FAF1: variants seen among roughly 807,000 people sequenced by gnomAD.
FAF1 encodes Fas associated factor 1.
A neutral mutation model predicts 92.5 loss-of-function variants in FAF1; 25 were observed. The observed-to-expected ratio is 0.27, with a 90% confidence interval of 0.20 to 0.38. The LOEUF (loss-of-function observed/expected upper bound fraction) is 0.38. FAF1 is among the 10% of genes least tolerant of loss of function. FAF1 has a pLI of 1.00. For synonymous variants in FAF1, 234 were observed against 273.2 expected, an observed-to-expected ratio of 0.86 and a Z score of 1.42; for missense variants, 636 against 793.3, an observed-to-expected ratio of 0.80 and a Z score of 2.38.
In FAF1 at chr1:50,583,648, C is replaced by A; in HGVS notation, c.1031+4G>T. 1 of 1,562,874 alleles carries A rather than the reference C, an allele frequency of 6.4e-7. No individual in the cohort carries two copies. Among genetic ancestry groups the A allele is most frequent in the Non-Finnish European group, 8.7e-7 (1 of 1,147,012 alleles). On this transcript the variant is annotated splice_donor_region_variant and intron_variant, in intron 11 of 18. Coordinates refer to ENST00000396153, the MANE Select transcript of FAF1 (RefSeq NM_007051.3). The surrounding 1 kb of genome is among the most constrained non-coding windows in gnomAD (Gnocchi z 4.2). ...AATTTATATAGTTAATGTCCTAACCCTACCTTGAAGAAAACTCTGCTGTAA... is the reference window on the plus strand; with the variant it reads ...AATTTATATAGTTAATGTCCTAACCATACCTTGAAGAAAACTCTGCTGTAA...
intron 5 of FAF1, among the ~76,000 whole-genome samples, chr1:50,742,141 T>C (rs1659410404): frequency 1.3e-5 from 2 of 150,042 alleles, no homozygotes; most frequent in African/African-American, 4.9e-5. Flanking sequence ...AGACCCTGTC[T>C]CTACAAAAAT....
chr1:50,914,042 ATC>A (rs1644904319), intron 1 of FAF1, among the ~76,000 whole-genome samples: 1 of 152,222 alleles, frequency 6.6e-6, no homozygotes, highest in Non-Finnish European at 1.5e-5. Context: ...TCTCCTGTAT[ATC>A]TGTTACTCTG....
intron 6 of FAF1, among the ~76,000 whole-genome samples, chr1:50,707,136 G>A (rs1322526888): frequency 1.3e-5 from 2 of 151,100 alleles, no homozygotes; most frequent in African/African-American, 4.9e-5. Context: ...CTGGGAGGTG[G>A]AGGTTGCAGT....
chr1:50,483,613 T>C (rs1372924106), intron 17 of FAF1, among the ~76,000 whole-genome samples: 1 of 152,110 alleles, frequency 6.6e-6, no homozygotes, highest in African/African-American at 2.4e-5. Context: ...ACAAATGATT[T>C]TTAAAGGATT....
intron 1 of FAF1, among the ~76,000 whole-genome samples, chr1:50,885,378 T>C (rs1644652550): frequency 6.6e-6 from 1 of 151,784 alleles, no homozygotes; most frequent in South Asian, 2.1e-4. Flanking sequence ...GCCCCAGTGT[T>C]AGATGCATAT....
At chr1:50,837,134 T>C (rs922896289) in intron 2 of FAF1, among the ~76,000 whole-genome samples, 1 of 151,960 alleles carries the variant, frequency 6.6e-6, no homozygotes, top group African/African-American at 2.4e-5. Flanking sequence ...ATTTTTTGTA[T>C]TTTTAGTAAA....
chr1:50,800,532 A>C (rs1395188187), intron 3 of FAF1, among the ~76,000 whole-genome samples: 3 of 152,250 alleles, frequency 2.0e-5, no homozygotes, highest in African/African-American at 7.2e-5. Flanking sequence ...AACTCTAGAA[A>C]TCTGCCACAT....
At chr1:50,823,557 GATC>G (rs1376123075) in intron 2 of FAF1, among the ~76,000 whole-genome samples, 3 of 151,802 alleles carry the variant, frequency 2.0e-5, no homozygotes, top group Admixed American at 2.0e-4. Flanking sequence ...CATCATTTTA[GATC>G]ATAACAGTGA....
intron 17 of FAF1, among the ~76,000 whole-genome samples, chr1:50,476,858 G>GA (rs538290900): frequency 6.6e-6 from 1 of 151,392 alleles, no homozygotes. Context: ...AAATAATTTA[G>GA]AAAAAAAAGA....
chr1:50,561,833 G>A (rs1003174198), intron 13 of FAF1, among the ~76,000 whole-genome samples: 2 of 145,244 alleles, frequency 1.4e-5, no homozygotes, highest in African/African-American at 2.6e-5. Context: ...TAGGACAGAC[G>A]GATGGACGGA....
chr1:50,469,408 T>C (rs996390004), intron 18 of FAF1: 26 of 152,222 alleles, frequency 1.7e-4, no homozygotes, highest in African/African-American at 6.0e-4. Flanking sequence ...ATGTATTTTG[T>C]ACCTTAGTGA....
At chr1:50,786,602 A>T (rs529208554) in intron 4 of FAF1, among the ~76,000 whole-genome samples, 8 of 152,336 alleles carry the variant, frequency 5.3e-5, no homozygotes, top group Non-Finnish European at 1.0e-4. Flanking sequence ...TTTTTTAAAT[A>T]AAAAACAATC....
At chr1:50,807,776 G>C (rs1662264118) in intron 2 of FAF1, among the ~76,000 whole-genome samples, 1 of 152,140 alleles carries the variant, frequency 6.6e-6, no homozygotes, top group Non-Finnish European at 1.5e-5. Flanking sequence ...TATCTAAAGA[G>C]ACCAAATCTA....
intron 12 of FAF1, among the ~76,000 whole-genome samples, chr1:50,576,695 T>G (rs1191201556): frequency 1.4e-5 from 2 of 138,918 alleles, no homozygotes; most frequent in Non-Finnish European, 3.0e-5. Flanking sequence ...CAGGCTGGAG[T>G]GCAGTGGCAC....
At chr1:50,483,908 A>T (rs1646729273) in intron 17 of FAF1, among the ~76,000 whole-genome samples, 1 of 152,108 alleles carries the variant, frequency 6.6e-6, no homozygotes, top group Non-Finnish European at 1.5e-5. Flanking sequence ...TTGGGTGGGG[A>T]GGGTAGGATC....
chr1:50,841,114 T>C, intron 2 of FAF1, among the ~76,000 whole-genome samples: 1 of 152,010 alleles, frequency 6.6e-6, no homozygotes, highest in Non-Finnish European at 1.5e-5. Flanking sequence ...TGGCCAAAGA[T>C]GTGGCGCAGC....
chr1:50,517,634 C>T (rs1212970957), intron 15 of FAF1, among the ~76,000 whole-genome samples: 1 of 152,140 alleles, frequency 6.6e-6, no homozygotes, highest in Non-Finnish European at 1.5e-5. Flanking sequence ...AGTCACTGTA[C>T]TATATTTTGA....
chr1:50,600,966 C>T (rs1652093157), intron 8 of FAF1, among the ~76,000 whole-genome samples: 1 of 152,032 alleles, frequency 6.6e-6, no homozygotes, highest in Admixed American at 6.5e-5. Flanking sequence ...TAAACAAAAG[C>T]TCTCTGGGGT....
rs1660472475 is a variant in FAF1, at chr1:50,764,223, A to AAT, written c.368-19450_368-19449dup. On this transcript the variant is annotated intron_variant, in intron 4 of 18. Coordinates refer to ENST00000396153, the MANE Select transcript of FAF1 (RefSeq NM_007051.3). ...TTTAACTTCCTCAGTTTTAATTACTAATATGGAAAATATTTATTCTGGGGT... is the reference window on the plus strand; with the variant it reads ...TTTAACTTCCTCAGTTTTAATTACTAATATATGGAAAATATTTATTCTGGGGT... 3.3e-5 allele frequency among the ~76,000 whole-genome samples: 5 copies of AAT among 152,316 alleles called. 1 individual carries two copies. The highest frequency in any genetic ancestry group is 1.2e-4 in the African/African-American group (5 of 41,558).
Sources: allele counts gnomAD v4.1 joint callset (sites outside exome capture counted in the v4.1 genomes callset), GRCh38; gene constraint gnomAD v4.1.1; non-coding constraint Gnocchi (gnomAD v3.1); transcripts MANE v1.5; gene names NCBI Gene and HGNC (gene_info 2026-07-23, HGNC 2026-07-21).